KAT2B: variants seen among roughly 807,000 people sequenced by gnomAD.
The protein encoded by KAT2B is lysine acetyltransferase 2B.
KAT2B carries 36 observed loss-of-function variants against 105.9 expected under a neutral mutation model. That is an observed-to-expected ratio of 0.34 (90% CI 0.26 to 0.45). KAT2B has a LOEUF of 0.45. Ranked by LOEUF, KAT2B falls within the 20% of genes least tolerant of loss-of-function variation. The probability of loss-of-function intolerance (pLI) is 1.00; values close to 1 mark genes in which losing one functional copy is unlikely to be tolerated. For synonymous variants in KAT2B, 397 were observed against 377.9 expected, an observed-to-expected ratio of 1.05 and a Z score of -0.59; for missense variants, 820 against 1,021.6, an observed-to-expected ratio of 0.80 and a Z score of 2.69.
At chr3:20,129,798 T>A (rs1260767780) in intron 11 of KAT2B, among the ~76,000 whole-genome samples, 1 of 152,176 alleles carries the variant, frequency 6.6e-6, no homozygotes, top group Non-Finnish European at 1.5e-5. Context: ...TGGACAGTGC[T>A]GGTCTAAGTA....
At chr3:20,133,820 C>G (rs957787881) in intron 11 of KAT2B, among the ~76,000 whole-genome samples, 3 of 152,142 alleles carry the variant, frequency 2.0e-5, no homozygotes, top group Non-Finnish European at 2.9e-5. Flanking sequence ...CGTATTTGCA[C>G]GCCGTCAAGT....
chr3:20,094,604 C>G (rs1432888639), intron 2 of KAT2B, among the ~76,000 whole-genome samples: 1 of 152,102 alleles, frequency 6.6e-6, no homozygotes, highest in Admixed American at 6.6e-5. Flanking sequence ...GGACAGGTCA[C>G]AAAACTATAG....
intron 11 of KAT2B, among the ~76,000 whole-genome samples, chr3:20,132,934 T>C (rs4858769): frequency 0.82 from 125,158 of 152,274 alleles, 52,142 homozygotes; most frequent in East Asian, 0.97. Flanking sequence ...TGAATTTCAT[T>C]AGAAGACACA....
intron 5 of KAT2B, among the ~76,000 whole-genome samples, chr3:20,105,722 G>A (rs554908558): frequency 8.6e-4 from 130 of 151,390 alleles, no homozygotes; most frequent in South Asian, 4.8e-3. Flanking sequence ...GCTTGAGCCC[G>A]GGAGGTCAAG....
Position 20,077,391 on chromosome 3 carries a change from C to A in KAT2B, c.430+4932C>A, listed in dbSNP as rs1451269748. Among the ~76,000 whole-genome samples, 5 of 152,164 alleles carry A rather than the reference C, an allele frequency of 3.3e-5. 1 individual carries two copies. Among genetic ancestry groups the A allele is most frequent in the African/African-American group, 1.2e-4 (5 of 41,428 alleles). ...AATTCTAGCTTGGCCCTGCAGTTTA[C>A]CAAGTTCCTTAACCTTTTTGCTGTT... is the stretch of plus-strand genomic sequence containing the variant. On this transcript the variant is annotated intron_variant, in intron 2 of 17. Transcript: ENST00000263754.
At chr3:20,112,412 A>C (rs1037517219) in intron 6 of KAT2B, among the ~76,000 whole-genome samples, 1 of 152,228 alleles carries the variant, frequency 6.6e-6, no homozygotes, top group Non-Finnish European at 1.5e-5. Flanking sequence ...GATCATTTAA[A>C]TATTTTAAAT....
chr3:20,055,663 G>T (rs1697992495), intron 1 of KAT2B, among the ~76,000 whole-genome samples: 1 of 152,048 alleles, frequency 6.6e-6, no homozygotes. Context: ...TAGGAGATTA[G>T]GTGGAAGGGA....
chr3:20,092,650 A>G (rs1297673158), intron 2 of KAT2B, among the ~76,000 whole-genome samples: 1 of 151,924 alleles, frequency 6.6e-6, no homozygotes, highest in Non-Finnish European at 1.5e-5. Flanking sequence ...CTCTTGATGA[A>G]TTGATCCCTT....
chr3:20,106,397 CAAT>C (rs1360916477), intron 5 of KAT2B, among the ~76,000 whole-genome samples: 1 of 151,798 alleles, frequency 6.6e-6, no homozygotes, highest in Non-Finnish European at 1.5e-5. Context: ...TCACTGTGTG[CAAT>C]AATAATATCA....
intron 1 of KAT2B, among the ~76,000 whole-genome samples, chr3:20,061,926 T>TAAAA (rs1247665699): frequency 1.9e-4 from 19 of 97,852 alleles, no homozygotes; most frequent in East Asian, 3.7e-4. Flanking sequence ...GTATTATATA[T>TAAAA]CATATATAAA....
At chr3:20,080,647 G>A (rs751254973) in intron 2 of KAT2B, among the ~76,000 whole-genome samples, 3 of 152,172 alleles carry the variant, frequency 2.0e-5, no homozygotes, top group Non-Finnish European at 2.9e-5. Context: ...TTGCAGAGGA[G>A]CTTTCAAAGT....
chr3:20,107,227 CACCAT>C (rs1699037170), intron 5 of KAT2B, among the ~76,000 whole-genome samples: 1 of 146,438 alleles, frequency 6.8e-6, no homozygotes, highest in Non-Finnish European at 1.5e-5. Context: ...GACGGCGTTT[CACCAT>C]GTTGGCCAGG....
At chr3:20,114,731 C>A in intron 6 of KAT2B, 151 bp from the exon 7 acceptor site, 1 of 581,514 alleles carries the variant, frequency 1.7e-6, no homozygotes, top group Non-Finnish European at 3.1e-6. Context: ...CAGGGCTGCC[C>A]AACTAAATCA....
chr3:20,132,241 G>A (rs1699523344), intron 11 of KAT2B, among the ~76,000 whole-genome samples: 1 of 152,110 alleles, frequency 6.6e-6, no homozygotes, highest in South Asian at 2.1e-4. Flanking sequence ...GGGTGTGGTG[G>A]TGCATGCCTG....
At position 20,125,905 on chromosome 3, in the gene KAT2B, A is replaced by G. The variant is rs917763924; in HGVS notation, c.1414A>G (p.Thr472Ala). Residue 472 changes from threonine (T) to alanine (A), a missense_variant and splice_region_variant, in exon 10 of 18, where the codon ACC (threonine) becomes GCC (alanine). Thr to Ala is a moderately conservative substitution (Grantham distance 58). Around this residue, in one of 6 missense-constraint regions of KAT2B, gnomAD observed 225 missense variants for 268.1 expected, o/e 0.84. Transcript: ENST00000263754. ...TDPAAMLGPE[T>A]NFLSAHSARD... The stretch of plus-strand genomic sequence containing the variant: ...TTTTTTCCTGTCTCTTGCATCTCAG[A>G]CCAATTTTCTGTCAGCACACTCGGC... The G allele has an allele frequency of 9.9e-6, 16 of 1,613,160 alleles. No homozygotes were observed. Among genetic ancestry groups the G allele is most frequent in the Non-Finnish European group, 1.4e-5 (16 of 1,179,834 alleles).
rs773605058 is a variant in KAT2B, at chr3:20,101,270, C to T, written c.670-17C>T. ...ATTGCATAGCTGCATGAAGAAATTG[C>T]CTTCCCTCTTTTTAAGGGTGTGAAT... On this transcript the variant is annotated splice_polypyrimidine_tract_variant and intron_variant, in intron 4 of 17. Transcript: ENST00000263754. The T allele has an allele frequency of 1.9e-6, 3 of 1,609,902 alleles. No individual in the cohort carries two copies. The Admixed American group carries it at 5.0e-5, about 27-fold the overall frequency.
At chr3:20,056,673 A>G (rs1214230856) in intron 1 of KAT2B, among the ~76,000 whole-genome samples, 2 of 152,204 alleles carry the variant, frequency 1.3e-5, no homozygotes, top group East Asian at 1.9e-4. Context: ...TTAGGAAGAA[A>G]TGAGTTGATA....
chr3:20,125,137 A>G (rs1265474432), intron 9 of KAT2B, among the ~76,000 whole-genome samples: 2 of 152,074 alleles, frequency 1.3e-5, no homozygotes, highest in African/African-American at 2.4e-5. Context: ...CTTGGCTAAC[A>G]CGGTGAAACC....
At chr3:20,113,675 G>A (rs1252067908) in intron 6 of KAT2B, among the ~76,000 whole-genome samples, 5 of 152,192 alleles carry the variant, frequency 3.3e-5, no homozygotes, top group Non-Finnish European at 1.5e-5. Context: ...TGAAGCCTGA[G>A]GTATTATTTG....
Sources: allele counts gnomAD v4.1 joint callset (sites outside exome capture counted in the v4.1 genomes callset), GRCh38; gene constraint gnomAD v4.1.1; regional missense constraint gnomAD v4.1.1; transcripts MANE v1.5; gene names NCBI Gene and HGNC (gene_info 2026-07-23, HGNC 2026-07-21).